The following RRP12 variants were observed in gnomAD, a reference collection of about 807,000 sequenced individuals.
RRP12 encodes ribosomal RNA processing 12 homolog.
RRP12 carries 78 observed loss-of-function variants against 157.3 expected under a neutral mutation model. That is an observed-to-expected ratio of 0.50 (90% confidence interval 0.41 to 0.60). The LOEUF (loss-of-function observed/expected upper bound fraction) is 0.60. Among genes scored for constraint, RRP12 ranks in the 20% least tolerant of loss-of-function variants. The pLI is 0.00. For synonymous variants in RRP12, 726 were observed against 670.9 expected, an observed-to-expected ratio of 1.08 and a Z score of -1.27; for missense variants, 1,521 against 1,679.9, an observed-to-expected ratio of 0.91 and a Z score of 1.65.
At chr10:97,383,767 G>A (rs920751372) in intron 10 of RRP12, among the ~76,000 whole-genome samples, 3 of 152,224 alleles carry the variant, frequency 2.0e-5, no homozygotes, top group Non-Finnish European at 4.4e-5. Context: ...GAGTGGAGTG[G>A]AGCCACAGAA....
At chr10:97,362,246 G>A (rs1222782459) in intron 30 of RRP12, among the ~76,000 whole-genome samples, 2 of 152,112 alleles carry the variant, frequency 1.3e-5, no homozygotes, top group Non-Finnish European at 2.9e-5. Flanking sequence ...GCTCAGTCCC[G>A]CTCTGCCCGG....
chr10:97,359,038 C>G (rs775567449), intron 31 of RRP12, 28 bp from the exon 32 acceptor site: 2 of 1,590,026 alleles, frequency 1.3e-6, no homozygotes, highest in African/African-American at 2.7e-5. Context: ...GACCATGAGT[C>G]AGGCAAAGCC....
intron 15 of RRP12, among the ~76,000 whole-genome samples, chr10:97,377,466 T>C (rs988733536): frequency 6.6e-6 from 1 of 152,022 alleles, no homozygotes; most frequent in African/African-American, 2.4e-5. Context: ...GAGGCAGAGG[T>C]TGCAGTGAAC....
chr10:97,385,949 G>A lies in RRP12; in HGVS notation c.1062C>T (p.His354=), dbSNP rs377580724. The A allele has an allele frequency of 7.5e-5, 120 of 1,606,396 alleles. No individual in the cohort carries two copies. The highest frequency in any genetic ancestry group is 9.0e-5 in the East Asian group (4 of 44,678). ...ACAGGGTGCTCAGGCCAGGCCTGGC[G>A]TGGAAGAGGCTGTGAAAGGCCTGCA... The part of the protein sequence containing the change: ...CAMQAFHSLF[H]ARPGLSTLSA... The change falls in exon 9 of 34, where the codon CAC becomes CAT. Residue 354 remains histidine (H), a synonymous_variant. Transcript: ENST00000370992.
intron 31 of RRP12, among the ~76,000 whole-genome samples, chr10:97,359,318 C>T (rs1176526292): frequency 6.6e-6 from 1 of 152,232 alleles, no homozygotes; most frequent in South Asian, 2.1e-4. Context: ...CAAAGTCAGA[C>T]AGAATTCAGC....
intron 29 of RRP12, among the ~76,000 whole-genome samples, chr10:97,365,654 C>T (rs1843955009): frequency 6.6e-6 from 1 of 151,756 alleles, no homozygotes; most frequent in Non-Finnish European, 1.5e-5. Context: ...AGATGCCACA[C>T]CGGAGGGACT....
At chr10:97,372,977 C>T (rs1258244711) in intron 18 of RRP12, 69 bp downstream of exon 18, 35 of 1,517,756 alleles carry the variant, frequency 2.3e-5, no homozygotes, top group Non-Finnish European at 3.1e-5. Context: ...TGGGTAGGGT[C>T]TCGGCCTCTC....
chr10:97,390,399 T>C, intron 6 of RRP12, 24 bp downstream of exon 6: 1 of 1,579,116 alleles, frequency 6.3e-7, no homozygotes. Flanking sequence ...CTTGCCCCAT[T>C]TTCTAGGGAG....
intron 2 of RRP12, among the ~76,000 whole-genome samples, chr10:97,400,058 T>G (rs9887994): frequency 0.32 from 49,381 of 152,156 alleles, 8,467 homozygotes; most frequent in African/African-American, 0.44. Context: ...AGTGCTGTGT[T>G]AGGTATAGCT....
At chr10:97,372,294 G>A in intron 19 of RRP12, 128 bp from the exon 20 acceptor site, 1 of 616,872 alleles carries the variant, frequency 1.6e-6, no homozygotes, top group South Asian at 2.0e-5. Flanking sequence ...GCTTGAAGGA[G>A]CTCATGAACA....
chr10:97,391,497 G>A (rs1450570623), intron 4 of RRP12, among the ~76,000 whole-genome samples: 14 of 152,178 alleles, frequency 9.2e-5, no homozygotes, highest in Non-Finnish European at 4.4e-5. Context: ...CTTGAACCCG[G>A]GAGGTGGAGG....
intron 17 of RRP12, 31 bp from the exon 18 acceptor site, chr10:97,373,231 G>T: frequency 6.2e-7 from 1 of 1,609,284 alleles, no homozygotes; most frequent in South Asian, 1.1e-5. Context: ...TGCACTAAAG[G>T]CACAGGAGCT....
At chr10:97,395,695 CA>C (rs1278935884) in intron 3 of RRP12, among the ~76,000 whole-genome samples, 1 of 150,764 alleles carries the variant, frequency 6.6e-6, no homozygotes, top group Non-Finnish European at 1.5e-5. Flanking sequence ...CTAAAAAATA[CA>C]AAAAATAAGC....
rs1291510972 is a variant in RRP12 at position 97,401,206 on chromosome 10, G to C, written c.26C>G (p.Ser9Cys). Residue 9 changes from serine to cysteine, a missense_variant, in exon 1 of 34, where the codon TCT becomes TGT. Ser to Cys is a moderately radical substitution (Grantham distance 112, BLOSUM62 -1). Transcript: ENST00000370992. MGRSGKLP[S>C]GVSAKLKRWK... ...GCGCTTCAACTTAGCTGAGACACCAGAAGGCAACTTTCCCGAGCGACCCAT... is the reference window on the plus strand; with the variant it reads ...GCGCTTCAACTTAGCTGAGACACCACAAGGCAACTTTCCCGAGCGACCCAT... The C allele has an allele frequency of 5.0e-6, 8 of 1,614,204 alleles. No individual in the cohort carries two copies. The highest frequency in any genetic ancestry group is 6.8e-6 in the Non-Finnish European group (8 of 1,180,034).
chr10:97,391,092 C>A (rs570581262), intron 4 of RRP12, among the ~76,000 whole-genome samples: 1 of 152,268 alleles, frequency 6.6e-6, no homozygotes, highest in African/African-American at 2.4e-5. Flanking sequence ...CTCTCCACCT[C>A]CCCTGGCAGT....
chr10:97,390,835 G>A lies in RRP12; in HGVS notation c.540C>T (p.Ser180=), dbSNP rs1035461442. Residue 180 remains serine, a synonymous_variant, in exon 5 of 34, where the codon AGC becomes AGT. Coordinates refer to ENST00000370992, the MANE Select transcript of RRP12 (RefSeq NM_015179.4). ...CAGAGAACTTCTTAATAAGCACAGG[G>A]CTGGGAACACTGTGGGAAAGAACAG... ...LLNLVLKRVP[S]PVLIKKFSDT... 6.2e-7 allele frequency: 1 copy of A among 1,608,290 alleles called. No homozygotes were observed. The highest frequency in any genetic ancestry group is 1.3e-5 in the African/African-American group (1 of 74,946).
rs781521639 is a variant in RRP12 at position 97,393,716 on chromosome 10, G to A, written c.498C>T (p.Ala166=). 10 of 1,613,906 alleles carry A rather than the reference G, an allele frequency of 6.2e-6. No homozygotes were observed. The South Asian group carries it at 7.7e-5, about 12-fold the overall frequency. The change falls in exon 4 of 34, where the codon GCC becomes GCT. Residue 166 remains alanine, a synonymous_variant. Coordinates refer to ENST00000370992, the MANE Select transcript of RRP12 (RefSeq NM_015179.4). The stretch of plus-strand genomic sequence containing the variant: ...GGACAAGGTTCAGCAGGTAAGCAAC[G>A]GCGGCCAGGGACTCCGGGGACTCCA... ...EAVESPESLA[A]VAYLLNLVLK... is the part of the protein sequence containing the mutation.
chr10:97,393,927 CCTAT>C (rs1485002943), intron 3 of RRP12, among the ~76,000 whole-genome samples, 167 bp from the exon 4 acceptor site: 1 of 152,280 alleles, frequency 6.6e-6, no homozygotes, highest in East Asian at 1.9e-4. Context: ...AGTAATTTAA[CCTAT>C]CTGTGACTCA....
At chr10:97,386,880 C>T (rs545612446) in intron 8 of RRP12, among the ~76,000 whole-genome samples, 1 of 152,188 alleles carries the variant, frequency 6.6e-6, no homozygotes, top group East Asian at 1.9e-4. Context: ...GTCCCAGCTA[C>T]TCGGGAGGCT....
Sources: allele counts gnomAD v4.1 joint callset (sites outside exome capture counted in the v4.1 genomes callset), GRCh38; gene constraint gnomAD v4.1.1; transcripts MANE v1.5; gene names NCBI Gene and HGNC (gene_info 2026-07-23, HGNC 2026-07-21).